MALRD1: variants seen among roughly 807,000 people sequenced by gnomAD.
The protein encoded by MALRD1 is MAM and LDL receptor class A domain containing 1, also known as MAM and LDL-receptor class A domain-containing protein 1.
A neutral mutation model predicts 242.1 loss-of-function variants in MALRD1; 247 were observed. The ratio of observed to expected loss-of-function variants is 1.02; its 90% CI spans 0.92 to 1.13. The LOEUF is 1.13. Among genes scored for constraint, MALRD1 ranks in the 50% most tolerant of loss-of-function variants. MALRD1 has a pLI of 0.00. For synonymous variants in MALRD1, 995 were observed against 866.6 expected, an observed-to-expected ratio of 1.15 and a Z score of -2.60; for missense variants, 2,989 against 2,533.1, an observed-to-expected ratio of 1.18 and a Z score of -3.86.
intron 36 of MALRD1, among the ~76,000 whole-genome samples, chr10:19,627,635 C>T (rs868068815): frequency 3.6e-4 from 54 of 151,566 alleles, no homozygotes; most frequent in South Asian, 4.2e-4. Context: ...GTGGCAGGTT[C>T]CTGTAATCCC....
intron 8 of MALRD1, among the ~76,000 whole-genome samples, chr10:19,132,725 T>C (rs969384634): frequency 1.3e-5 from 2 of 152,036 alleles, no homozygotes; most frequent in South Asian, 2.1e-4. Flanking sequence ...AATCTTCACA[T>C]TTTTACCATA....
At chr10:19,384,217 G>A (rs1845958138) in intron 26 of MALRD1, among the ~76,000 whole-genome samples, 2 of 146,252 alleles carry the variant, frequency 1.4e-5, no homozygotes, top group African/African-American at 2.5e-5. Flanking sequence ...GGTTACCTGA[G>A]TTTTGTCCTA....
chr10:19,701,738 C>T (rs1192702790), intron 38 of MALRD1, among the ~76,000 whole-genome samples: 2 of 124,200 alleles, frequency 1.6e-5, no homozygotes, highest in Non-Finnish European at 3.4e-5. Flanking sequence ...TTCCCCTTCC[C>T]CTCCCCTCCC....
chr10:19,424,269 C>G (rs1251466466), intron 28 of MALRD1, among the ~76,000 whole-genome samples: 1 of 152,154 alleles, frequency 6.6e-6, no homozygotes, highest in Non-Finnish European at 1.5e-5. Context: ...AAGCGATTCT[C>G]CTGCCTCAGC....
At chr10:19,179,511 A>G (rs187934147) in intron 14 of MALRD1, among the ~76,000 whole-genome samples, 1 of 152,130 alleles carries the variant, frequency 6.6e-6, no homozygotes, top group East Asian at 1.9e-4. Context: ...TTATCAGGGC[A>G]TGGTGGCACA....
At chr10:19,697,390 G>A (rs573623261) in intron 38 of MALRD1, among the ~76,000 whole-genome samples, 119 of 136,730 alleles carry the variant, frequency 8.7e-4, no homozygotes, top group African/African-American at 2.7e-3. Flanking sequence ...TTGAGCCCCC[G>A]CCCCCGCCCC....
At chr10:19,147,224 A>G (rs1488918720) in intron 11 of MALRD1, among the ~76,000 whole-genome samples, 1 of 152,094 alleles carries the variant, frequency 6.6e-6, no homozygotes, top group East Asian at 1.9e-4. Context: ...ACATTATCCT[A>G]TTTGTTTCTT....
intron 28 of MALRD1, among the ~76,000 whole-genome samples, chr10:19,395,874 A>G (rs1846554971): frequency 6.6e-6 from 1 of 152,090 alleles, no homozygotes; most frequent in South Asian, 2.1e-4. Context: ...TCCAAGTAGG[A>G]GTCCTACTAA....
intron 1 of MALRD1, among the ~76,000 whole-genome samples, chr10:19,049,408 T>C (rs1834420404): frequency 6.6e-6 from 1 of 152,218 alleles, no homozygotes; most frequent in Non-Finnish European, 1.5e-5. Flanking sequence ...AACAAAGATA[T>C]AGCTTTAATG....
At chr10:19,539,384 G>T (rs1047937292) in intron 32 of MALRD1, among the ~76,000 whole-genome samples, 3 of 152,076 alleles carry the variant, frequency 2.0e-5, no homozygotes, top group Non-Finnish European at 4.4e-5. Flanking sequence ...TATTTATGAC[G>T]TATTGAGGGT....
intron 28 of MALRD1, among the ~76,000 whole-genome samples, chr10:19,405,323 C>G (rs768103294): frequency 4.6e-5 from 7 of 152,112 alleles, no homozygotes; most frequent in Admixed American, 2.6e-4. Context: ...CCACCATTCT[C>G]TTGTATTTTT....
chr10:19,451,115 GA>G (rs1835298649), intron 29 of MALRD1, among the ~76,000 whole-genome samples: 1 of 152,096 alleles, frequency 6.6e-6, no homozygotes. Context: ...TTCTAACATG[GA>G]TAATTTTTCC....
chr10:19,531,015 C>T (rs550791039), intron 31 of MALRD1, among the ~76,000 whole-genome samples, 179 bp from the exon 32 acceptor site: 1 of 152,180 alleles, frequency 6.6e-6, no homozygotes, highest in African/African-American at 2.4e-5. Context: ...ATCATAGTGA[C>T]ACTTTTTAGG....
intron 14 of MALRD1, among the ~76,000 whole-genome samples, chr10:19,186,123 C>T (rs1835727188): frequency 6.6e-6 from 1 of 152,100 alleles, no homozygotes; most frequent in Admixed American, 6.6e-5. Flanking sequence ...ATTATCTTCC[C>T]CTTTTATTAA....
At chr10:19,052,106 G>T in intron 1 of MALRD1, 3 of 455,112 alleles carry the variant, frequency 6.6e-6, no homozygotes, top group East Asian at 5.7e-5. Context: ...TAGCAAAATG[G>T]CAGAATTCAT....
intron 23 of MALRD1, among the ~76,000 whole-genome samples, chr10:19,330,020 T>C (rs978935357): frequency 3.9e-5 from 6 of 152,160 alleles, no homozygotes; most frequent in African/African-American, 1.4e-4. Context: ...ATCCAGATAA[T>C]AGAGTATCTT....
intron 31 of MALRD1, among the ~76,000 whole-genome samples, chr10:19,520,043 C>G (rs1319645157): frequency 6.6e-6 from 1 of 152,078 alleles, no homozygotes; most frequent in Admixed American, 6.5e-5. Context: ...TGTCAATCAC[C>G]GTGCACCTGA....
chr10:19,313,607 C>T (rs1186923828), intron 21 of MALRD1, among the ~76,000 whole-genome samples: 1 of 151,536 alleles, frequency 6.6e-6, no homozygotes, highest in Non-Finnish European at 1.5e-5. Context: ...AATGATCACA[C>T]ATACCTCAAA....
intron 19 of MALRD1, among the ~76,000 whole-genome samples, chr10:19,272,258 A>G (rs1248124153): frequency 3.3e-5 from 5 of 152,080 alleles, no homozygotes; most frequent in Non-Finnish European, 5.9e-5. Flanking sequence ...TGATAAATTA[A>G]AGGTCATTAA....
Sources: gnomAD v4.1 joint callset for allele counts (sites outside exome capture counted in the v4.1 genomes callset) on GRCh38, gnomAD v4.1.1 for gene constraint, MANE v1.5 for transcripts, NCBI Gene and HGNC (gene_info 2026-07-23, HGNC 2026-07-21) for gene names.